Variants in OXR1 observed in about 807,000 individuals in gnomAD.
OXR1 encodes oxidation resistance 1.
In OXR1, 41 loss-of-function variants were observed where a neutral mutation model predicts 104.6. That is an observed-to-expected ratio of 0.39 (90% CI 0.31 to 0.51). OXR1 has a LOEUF of 0.51. Among genes scored for constraint, OXR1 ranks in the 20% least tolerant of loss-of-function variants. The pLI is 0.77. For missense variants in OXR1, 955 were observed against 1,031.9 expected, an observed-to-expected ratio of 0.93 and a Z score of 1.02; for synonymous variants, 348 against 348.4, an observed-to-expected ratio of 1.00 and a Z score of 0.01.
chr8:106,662,841 A>T (rs772446198), intron 3 of OXR1, among the ~76,000 whole-genome samples: 1 of 72,066 alleles, frequency 1.4e-5, no homozygotes, highest in Non-Finnish European at 2.6e-5. Context: ...AGTAAATGGG[A>T]TGATGATGAT....
chr8:106,407,077 A>G (rs997694944), intron 2 of OXR1, among the ~76,000 whole-genome samples: 1 of 152,134 alleles, frequency 6.6e-6, no homozygotes, highest in Non-Finnish European at 1.5e-5. Context: ...TATAAAGACT[A>G]TTACTAAAAG....
intron 3 of OXR1, among the ~76,000 whole-genome samples, chr8:106,533,268 T>C (rs1255849286): frequency 6.6e-6 from 1 of 152,208 alleles, no homozygotes; most frequent in African/African-American, 2.4e-5. Context: ...TCCTGCTCTA[T>C]AATCCAATAA....
intron 10 of OXR1, 107 bp from the exon 11 acceptor site, chr8:106,713,716 G>C (rs1026955742): frequency 7.5e-5 from 44 of 588,532 alleles, no homozygotes; most frequent in Non-Finnish European, 1.2e-4. Context: ...AATATATTTT[G>C]TGTATATTTT....
intron 3 of OXR1, among the ~76,000 whole-genome samples, chr8:106,553,704 G>T (rs1438331422): frequency 6.6e-6 from 1 of 152,130 alleles, no homozygotes; most frequent in Non-Finnish European, 1.5e-5. Flanking sequence ...AGCAAAATGT[G>T]TATAATCTAT....
intron 3 of OXR1, among the ~76,000 whole-genome samples, chr8:106,611,909 C>T (rs149559110): frequency 6.8e-4 from 103 of 150,906 alleles, no homozygotes; most frequent in African/African-American, 2.5e-3. Flanking sequence ...CTTTTAATTT[C>T]TATACCTTTG....
intron 2 of OXR1, among the ~76,000 whole-genome samples, chr8:106,372,060 C>G (rs573365984): frequency 3.3e-5 from 5 of 152,324 alleles, no homozygotes; most frequent in South Asian, 4.1e-4. Flanking sequence ...GCCCCTCCCC[C>G]CAGGAGTTCA....
At chr8:106,403,606 C>A (rs79603109) in intron 2 of OXR1, among the ~76,000 whole-genome samples, 141 of 152,338 alleles carry the variant, frequency 9.3e-4, no homozygotes, top group Non-Finnish European at 1.3e-3. Context: ...CCCTAACATT[C>A]CAATCTCCTT....
chr8:106,575,408 T>G (rs1032548338), intron 3 of OXR1, among the ~76,000 whole-genome samples: 6 of 152,100 alleles, frequency 3.9e-5, no homozygotes, highest in African/African-American at 1.4e-4. Context: ...TTAAATAAAT[T>G]TGACTCAGTT....
intron 3 of OXR1, among the ~76,000 whole-genome samples, chr8:106,612,323 G>A (rs1820877282): frequency 6.6e-6 from 1 of 152,132 alleles, no homozygotes. Flanking sequence ...CAGTGAAACT[G>A]TATAAGGTAA....
rs148685430 is a variant in OXR1, at chr8:106,386,072, G to GGCA, written c.23+26452_23+26454dup. 5.1e-3 allele frequency among the ~76,000 whole-genome samples: 774 copies of GGCA among 151,996 alleles called. 6 individuals are homozygous for GGCA. Among genetic ancestry groups the GGCA allele is most frequent in the African/African-American group, 0.016 (682 of 41,358 alleles). On this transcript the variant is annotated intron_variant, in intron 2 of 16. Coordinates refer to ENST00000517566, the MANE Select transcript of OXR1 (RefSeq NM_001198533.2). ...TTGGCATTATAGCTGTTGAGCAGTGGGCAGCAGCAGCAGCAGCAAGGTTTC... is the reference window on the plus strand; with the variant it reads ...TTGGCATTATAGCTGTTGAGCAGTGGGCAGCAGCAGCAGCAGCAGCAAGGTTTC...
rs1816151934 is a variant in OXR1 at position 106,359,589 on chromosome 8, G to A, written c.-25G>A. ...CTAATTTCCTGTTCTGGAATCGAGAGAAGACTCCTCAACAAGTTGCTGCAA... is the reference window on the plus strand; with the variant it reads ...CTAATTTCCTGTTCTGGAATCGAGAAAAGACTCCTCAACAAGTTGCTGCAA... On this transcript the variant is annotated 5_prime_UTR_variant, in exon 2 of 17. Transcript: ENST00000517566. The A allele has an allele frequency of 6.5e-7, 1 of 1,544,742 alleles. No individual in the cohort carries two copies. The highest frequency in any genetic ancestry group is 8.8e-7 in the Non-Finnish European group (1 of 1,140,578).
intron 1 of OXR1, among the ~76,000 whole-genome samples, chr8:106,315,384 A>T (rs1428035112): frequency 6.6e-6 from 1 of 152,178 alleles, no homozygotes; most frequent in African/African-American, 2.4e-5. Flanking sequence ...CATTGAAATT[A>T]ACTCATTTAA....
chr8:106,711,919 A>G (rs1473859412), intron 10 of OXR1, among the ~76,000 whole-genome samples: 1 of 152,158 alleles, frequency 6.6e-6, no homozygotes, highest in African/African-American at 2.4e-5. Context: ...AACATACTTG[A>G]AAAGATACTG....
At chr8:106,738,176 G>A (rs904554159) in intron 12 of OXR1, among the ~76,000 whole-genome samples, 10 of 151,820 alleles carry the variant, frequency 6.6e-5, no homozygotes, top group African/African-American at 2.2e-4. Flanking sequence ...AAACAAGAAA[G>A]CAATGTAATT....
chr8:106,752,553 T>C lies in OXR1; in HGVS notation c.*1612T>C, dbSNP rs1004317791. The C allele has an allele frequency of 3.3e-4, 50 of 152,490 alleles. No individual in the cohort carries two copies. Among genetic ancestry groups the C allele is most frequent in the African/African-American group, 1.2e-3 (48 of 41,440 alleles). The allele number at this position is 152,490 out of a possible 1,614,324, so 9.4% of individuals were successfully genotyped here. A position where few individuals can be genotyped will look rare whatever the true frequency, so the allele number is the denominator to read the frequency against. ...GGGAATTGTAAATAAATATATCAGT[T>C]TTTTTCCCCTTCGGTCTTCCACAGC... On this transcript the variant is annotated 3_prime_UTR_variant, in exon 17 of 17. Transcript: ENST00000517566.
At chr8:106,577,349 T>C (rs1049133136) in intron 3 of OXR1, among the ~76,000 whole-genome samples, 1 of 149,126 alleles carries the variant, frequency 6.7e-6, no homozygotes, top group Non-Finnish European at 1.5e-5. Flanking sequence ...TAGCTGGGAT[T>C]ACAGGCGCCC....
At chr8:106,684,106 T>G in intron 5 of OXR1, 140 bp from the exon 6 acceptor site, 2 of 542,364 alleles carry the variant, frequency 3.7e-6, no homozygotes, top group Non-Finnish European at 6.5e-6. Flanking sequence ...TTTTTAAAAA[T>G]GTTTTTATAT....
chr8:106,698,572 A>G (rs1580429), intron 7 of OXR1, among the ~76,000 whole-genome samples: 23,571 of 151,756 alleles, frequency 0.16, 2,085 homozygotes, highest in Non-Finnish European at 0.2. Context: ...CTCATACTCC[A>G]TTCACTTTTT....
chr8:106,617,995 A>C, intron 3 of OXR1: 1 of 1,466,442 alleles, frequency 6.8e-7, no homozygotes, highest in Non-Finnish European at 9.0e-7. Context: ...GAAACCTCTG[A>C]ATCTTGCACA....
Sources: gnomAD v4.1 joint callset for allele counts (sites outside exome capture counted in the v4.1 genomes callset) on GRCh38, gnomAD v4.1.1 for gene constraint, MANE v1.5 for transcripts, NCBI Gene and HGNC (gene_info 2026-07-23, HGNC 2026-07-21) for gene names.